The following DPF2 variants were observed in gnomAD, a reference collection of about 807,000 sequenced individuals.
The protein encoded by DPF2 is zinc finger protein ubi-d4.
DPF2 carries 10 observed loss-of-function variants against 59.6 expected under a neutral mutation model. The ratio of observed to expected loss-of-function variants is 0.17; its 90% confidence interval spans 0.10 to 0.28. The LOEUF (loss-of-function observed/expected upper bound fraction) is 0.28, where lower values mean the gene tolerates loss of function less well. Among genes scored for constraint, DPF2 ranks in the 10% least tolerant of loss-of-function variants. The pLI is 1.00. For missense variants in DPF2, 315 were observed against 509.4 expected, an observed-to-expected ratio of 0.62 and a Z score of 3.67; for synonymous variants, 189 against 190.6, an observed-to-expected ratio of 0.99 and a Z score of 0.07.
chr11:65,341,492 G>A lies in DPF2; in HGVS notation c.395G>A (p.Gly132Asp), dbSNP rs746037351. ...LLRTDPLEKRGAPDPRVDDDS... is the reference protein window; with the variant it reads ...LLRTDPLEKRDAPDPRVDDDS... ...CGCACTGACCCCCTGGAGAAGCGAG[G>A]TGCCCCGGATCCCCGAGTTGATGAT... Residue 132 changes from glycine (G) to aspartate (D), a missense_variant, in exon 4 of 11, where the codon GGT becomes GAT. By Grantham distance (94) the Gly-to-Asp change is moderately conservative. This residue lies in a region of DPF2 where 228 missense variants were observed against 275.3 expected (regional missense o/e 0.83). Coordinates refer to ENST00000528416, the MANE Select transcript of DPF2 (RefSeq NM_006268.5). 1 of 1,614,236 alleles carries A rather than the reference G, an allele frequency of 6.2e-7. No homozygotes were observed. The highest frequency in any genetic ancestry group is 8.5e-7 in the Non-Finnish European group (1 of 1,180,044).
chr11:65,343,987 G>A lies in DPF2; in HGVS notation c.559-4G>A. ...TAAGGGTGTCTCTTTGCTCTTCTTG[G>A]CAGGGTAAGGGTGTGGGCAGTGCCC... On this transcript the variant is annotated splice_region_variant and splice_polypyrimidine_tract_variant and intron_variant, in intron 5 of 10. Transcript: ENST00000528416. The A allele has an allele frequency of 6.2e-7, 1 of 1,614,140 alleles. No homozygotes were observed.
At chr11:65,343,021 C>T (rs538844866) in intron 4 of DPF2, among the ~76,000 whole-genome samples, 94 of 150,758 alleles carry the variant, frequency 6.2e-4, no homozygotes, top group African/African-American at 2.0e-3. Flanking sequence ...TTCCCATGGC[C>T]GGCCACGGTG....
intron 1 of DPF2, among the ~76,000 whole-genome samples, chr11:65,337,504 T>TATAGAGAGAGAGAGAG (rs1282367012): frequency 9.3e-5 from 2 of 21,394 alleles, no homozygotes; most frequent in Non-Finnish European, 1.6e-4. Context: ...TATATATATA[T>TATAGAGAGAGAGAGAG]AGAGAGAGAG....
chr11:65,337,985 G>A (rs1042369298), intron 1 of DPF2, among the ~76,000 whole-genome samples: 2 of 152,062 alleles, frequency 1.3e-5, no homozygotes, highest in Non-Finnish European at 2.9e-5. Flanking sequence ...TGTATTTTTA[G>A]TAGAGACAGG....
In DPF2 at chr11:65,343,065, C is replaced by T. The variant is rs111807312; in HGVS notation, c.466-680C>T. Among the ~76,000 whole-genome samples the T allele has an allele frequency of 2.1e-3, 317 of 151,440 alleles. 1 individual carries two copies. The highest frequency in any genetic ancestry group is 7.4e-3 in the African/African-American group (306 of 41,274). ...CTGTAATCCCAGCACTTTGGGAGGC[C>T]GAGGCAGTTGGATCACCTGAGGTCG... On this transcript the variant is annotated intron_variant, in intron 4 of 10. Transcript: ENST00000528416.
chr11:65,340,321 G>A, intron 1 of DPF2, 64 bp from the exon 2 acceptor site: 1 of 1,567,036 alleles, frequency 6.4e-7, no homozygotes, highest in Non-Finnish European at 8.7e-7. Flanking sequence ...CAGGGGAGAG[G>A]AATAGCTCAG....
chr11:65,342,195 T>C (rs1423279959), intron 4 of DPF2, among the ~76,000 whole-genome samples: 2 of 152,212 alleles, frequency 1.3e-5, no homozygotes, highest in Non-Finnish European at 2.9e-5. Flanking sequence ...TTTTGCCACA[T>C]TTGCCTTATC....
rs1854764875 is a variant in DPF2 at position 65,352,923 on chromosome 11, TTTC to T, written c.*1167_*1169del. On this transcript the variant is annotated 3_prime_UTR_variant, in exon 11 of 11. Coordinates refer to ENST00000528416, the MANE Select transcript of DPF2 (RefSeq NM_006268.5). Reference sequence around the variant, plus strand: ...CTTTGGAGTTGAGGTGTCTTTTTTTTTTCTTTCTTTAGTTCCTGTATTCTAAAC... The same window carrying T: ...CTTTGGAGTTGAGGTGTCTTTTTTTTTTTCTTTAGTTCCTGTATTCTAAAC... The T allele has an allele frequency of 6.6e-6, 1 of 152,236 alleles. No individual in the cohort carries two copies. Among genetic ancestry groups the T allele is most frequent in the African/African-American group, 2.4e-5 (1 of 41,430 alleles). The allele number at this position is 152,236 out of a possible 1,614,324, so 9.4% of individuals were successfully genotyped here.
chr11:65,336,692 G>C (rs928873972), intron 1 of DPF2, among the ~76,000 whole-genome samples: 2 of 150,874 alleles, frequency 1.3e-5, no homozygotes, highest in Non-Finnish European at 2.9e-5. Context: ...AGGACGCTGA[G>C]GGAAGGGAAT....
intron 1 of DPF2, among the ~76,000 whole-genome samples, chr11:65,335,550 G>A (rs955119382): frequency 1.2e-4 from 18 of 152,178 alleles, no homozygotes; most frequent in African/African-American, 4.1e-4. Flanking sequence ...TTGAAAAACT[G>A]TAGAGATTGT....
chr11:65,339,699 G>A (rs992310865), intron 1 of DPF2, among the ~76,000 whole-genome samples: 2 of 152,140 alleles, frequency 1.3e-5, no homozygotes, highest in African/African-American at 2.4e-5. Context: ...TTTTCTCCCC[G>A]CTGACCTGCA....
At position 65,340,373 on chromosome 11, in the gene DPF2, T is replaced by C; in HGVS notation, c.33-12T>C. ...CTCCAACATACACGCCTGATTTCTA[T>C]CTTCCCTGCAGCCTTGGGGAGCAGT... On this transcript the variant is annotated splice_polypyrimidine_tract_variant and intron_variant, in intron 1 of 10. Transcript: ENST00000528416. The C allele has an allele frequency of 6.2e-7, 1 of 1,613,434 alleles. No homozygotes were observed. Among genetic ancestry groups the C allele is most frequent in the Non-Finnish European group, 8.5e-7 (1 of 1,179,462 alleles).
chr11:65,340,341 C>T (rs1357787680), intron 1 of DPF2, 44 bp from the exon 2 acceptor site: 1 of 1,600,970 alleles, frequency 6.2e-7, no homozygotes, highest in Non-Finnish European at 8.5e-7. Context: ...GCACCCTATG[C>T]CCCCCGCTCC....
intron 6 of DPF2, chr11:65,344,874 T>C: frequency 1.9e-6 from 1 of 523,838 alleles, no homozygotes; most frequent in Non-Finnish European, 3.4e-6. Flanking sequence ...AGAAGCATTA[T>C]CAGGAGCCCA....
chr11:65,334,477 G>A (rs1405955437), intron 1 of DPF2, among the ~76,000 whole-genome samples: 1 of 152,236 alleles, frequency 6.6e-6, no homozygotes, highest in African/African-American at 2.4e-5. Flanking sequence ...ATCGAGGAGC[G>A]GATCCAGAAG....
Position 65,348,891 on chromosome 11 carries a change from C to T in DPF2, c.1059C>T (p.His353=), listed in dbSNP as rs1294201455. The change falls in exon 10 of 11, where the codon CAC becomes CAT. Residue 353 remains histidine, a synonymous_variant. Transcript: ENST00000528416. ...GTGATGACTGCGATCGTGGCTACCA[C>T]ATGTACTGTCTCACCCCGTCCATGT... ...LFCDDCDRGY[H]MYCLTPSMSE... is the part of the protein sequence containing the mutation. The T allele has an allele frequency of 1.2e-6, 2 of 1,614,102 alleles. No homozygotes were observed. The highest frequency in any genetic ancestry group is 1.3e-5 in the African/African-American group (1 of 74,922).
chr11:65,350,928 G>C (rs1854678221), intron 10 of DPF2, among the ~76,000 whole-genome samples: 1 of 151,284 alleles, frequency 6.6e-6, no homozygotes, highest in Non-Finnish European at 1.5e-5. Flanking sequence ...AGAGTAAGCT[G>C]AGATCACACT....
intron 1 of DPF2, among the ~76,000 whole-genome samples, chr11:65,338,179 T>C (rs137910391): frequency 2.4e-4 from 36 of 152,302 alleles, no homozygotes; most frequent in African/African-American, 8.4e-4. Context: ...ACTCTTGGTC[T>C]CAAGAGATCC....
chr11:65,342,711 C>G (rs1854408682), intron 4 of DPF2, among the ~76,000 whole-genome samples: 1 of 152,130 alleles, frequency 6.6e-6, no homozygotes. Context: ...TGAAACAAAG[C>G]AGTTTAAAAA....
Sources: allele counts gnomAD v4.1 joint callset (sites outside exome capture counted in the v4.1 genomes callset), GRCh38; gene constraint gnomAD v4.1.1; regional missense constraint gnomAD v4.1.1; transcripts MANE v1.5; gene names NCBI Gene and HGNC (gene_info 2026-07-23, HGNC 2026-07-21).